Variants in ASIC2 observed in about 807,000 individuals in gnomAD.
The protein encoded by ASIC2 is acid-sensing ion channel 2.
In ASIC2, 25 loss-of-function variants were observed where a neutral mutation model predicts 57.3. The observed-to-expected ratio is 0.44, with a 90% CI of 0.32 to 0.61. The LOEUF is 0.61. Ranked by LOEUF, ASIC2 falls within the 20% of genes least tolerant of loss-of-function variation. ASIC2 has a pLI of 0.06. For synonymous variants in ASIC2, 319 were observed against 307.5 expected (o/e 1.04, Z -0.39); for missense variants, 641 against 738.1 (o/e 0.87, Z 1.52).
intron 1 of ASIC2, among the ~76,000 whole-genome samples, chr17:33,622,746 G>C (rs1905840640): frequency 6.6e-6 from 1 of 152,218 alleles, no homozygotes; most frequent in Non-Finnish European, 1.5e-5. Flanking sequence ...AATAGCGTAT[G>C]TTCAATAAAA....
At chr17:33,249,472 G>C (rs1186652649) in intron 1 of ASIC2, among the ~76,000 whole-genome samples, 1 of 152,194 alleles carries the variant, frequency 6.6e-6, no homozygotes, top group African/African-American at 2.4e-5. Context: ...ACTGAGGACT[G>C]AGTCCTGAGG....
At chr17:33,405,937 C>T (rs571614529) in intron 1 of ASIC2, among the ~76,000 whole-genome samples, 3 of 152,138 alleles carry the variant, frequency 2.0e-5, no homozygotes, top group South Asian at 2.1e-4. Flanking sequence ...CCTGCCAGCC[C>T]GAGCCTGCGA....
intron 1 of ASIC2, among the ~76,000 whole-genome samples, chr17:33,442,950 A>G (rs900432546): frequency 5.9e-5 from 9 of 152,192 alleles, no homozygotes; most frequent in Admixed American, 4.6e-4. Flanking sequence ...AAAGTTCCCT[A>G]CTATTCTTAG....
chr17:33,816,630 G>A (rs903082220), intron 1 of ASIC2: 2 of 152,106 alleles, frequency 1.3e-5, no homozygotes, highest in African/African-American at 4.8e-5. Flanking sequence ...AAAGTCTGAG[G>A]GTGGTATTTC....
chr17:33,397,365 TTGTC>T (rs1258210315), intron 1 of ASIC2, among the ~76,000 whole-genome samples: 2 of 152,206 alleles, frequency 1.3e-5, no homozygotes, highest in Admixed American at 6.5e-5. Context: ...GTCCATTTCT[TTGTC>T]TGTCTTAGGA....
In ASIC2 at chr17:33,841,925, C is replaced by T. The variant is rs536290461; in HGVS notation, c.555+314053G>A. Among the ~76,000 whole-genome samples the T allele has an allele frequency of 1.1e-4, 16 of 152,194 alleles. No individual in the cohort carries two copies. In the East Asian group the frequency reaches 1.2e-3, roughly 11 times the overall value. ...GTGGTGGTGAGCTGGACAGAAGAGC[C>T]GCCTTATATACGGAGAATGTCCAGT... On this transcript the variant is annotated intron_variant, in intron 1 of 9. Transcript: ENST00000359872.
intron 1 of ASIC2, among the ~76,000 whole-genome samples, chr17:33,943,226 T>C (rs1438149961): frequency 6.6e-6 from 1 of 152,226 alleles, no homozygotes; most frequent in African/African-American, 2.4e-5. Flanking sequence ...TCTTTGCCCC[T>C]GCAAGGGGGA....
At chr17:33,988,990 C>A (rs1447049050) in intron 1 of ASIC2, among the ~76,000 whole-genome samples, 1 of 152,146 alleles carries the variant, frequency 6.6e-6, no homozygotes, top group East Asian at 1.9e-4. Context: ...CCTCCTCCCA[C>A]CTTCCACAAC....
At chr17:33,487,331 G>A (rs1026429488) in intron 1 of ASIC2, among the ~76,000 whole-genome samples, 1 of 152,146 alleles carries the variant, frequency 6.6e-6, no homozygotes, top group Non-Finnish European at 1.5e-5. Context: ...GCCAGGAGGG[G>A]CCCCACATTG....
intron 1 of ASIC2, chr17:33,291,120 C>G (rs1905416799): frequency 4.1e-6 from 2 of 486,298 alleles, no homozygotes; most frequent in East Asian, 7.0e-5. Flanking sequence ...TATTCACAGA[C>G]GGGACCATAA....
At chr17:33,480,319 A>G (rs1184397774) in intron 1 of ASIC2, among the ~76,000 whole-genome samples, 1 of 152,174 alleles carries the variant, frequency 6.6e-6, no homozygotes, top group African/African-American at 2.4e-5. Flanking sequence ...CAATAGTAAC[A>G]TGAGGAACAG....
chr17:33,036,681 T>A (rs2091909937), intron 3 of ASIC2, among the ~76,000 whole-genome samples: 1 of 152,170 alleles, frequency 6.6e-6, no homozygotes, highest in Non-Finnish European at 1.5e-5. Flanking sequence ...GCACTAGGGT[T>A]ACAGGTGTGA....
At chr17:33,707,902 T>A (rs1224036632) in intron 1 of ASIC2, among the ~76,000 whole-genome samples, 1 of 152,194 alleles carries the variant, frequency 6.6e-6, no homozygotes, top group Non-Finnish European at 1.5e-5. Context: ...CTCTGTTGGG[T>A]CAGCTTGACT....
chr17:34,088,303 C>G (rs1404537899), intron 1 of ASIC2, among the ~76,000 whole-genome samples: 1 of 152,220 alleles, frequency 6.6e-6, no homozygotes, highest in Non-Finnish European at 1.5e-5. Context: ...TGCTAGAGGT[C>G]CACTCCAGAC....
intron 1 of ASIC2, among the ~76,000 whole-genome samples, chr17:33,850,551 A>T (rs1913736562): frequency 6.6e-6 from 1 of 152,180 alleles, no homozygotes; most frequent in South Asian, 2.1e-4. Flanking sequence ...GAGAACATGA[A>T]AACAGTTGAT....
chr17:33,353,107 T>A (rs192517313), intron 1 of ASIC2, among the ~76,000 whole-genome samples: 5 of 152,302 alleles, frequency 3.3e-5, no homozygotes, highest in Middle Eastern at 3.4e-3. Context: ...GTTCAATAAT[T>A]GTATTGTGAT....
chr17:33,946,632 C>A (rs545318373), intron 1 of ASIC2, among the ~76,000 whole-genome samples: 1 of 152,314 alleles, frequency 6.6e-6, no homozygotes, highest in African/African-American at 2.4e-5. Flanking sequence ...GTGGGGCTCA[C>A]TGCAGCTGGC....
chr17:33,590,339 T>C (rs1904784966), intron 1 of ASIC2, among the ~76,000 whole-genome samples: 1 of 152,178 alleles, frequency 6.6e-6, no homozygotes, highest in African/African-American at 2.4e-5. Flanking sequence ...CTATTGTCAT[T>C]GTTGTCCTCT....
intron 1 of ASIC2, among the ~76,000 whole-genome samples, chr17:33,350,775 G>C (rs955504596): frequency 4.0e-5 from 6 of 151,408 alleles, no homozygotes; most frequent in African/African-American, 1.5e-4. Flanking sequence ...CCTTCTATGA[G>C]TCACAGAAAA....
Sources: allele counts gnomAD v4.1 joint callset (sites outside exome capture counted in the v4.1 genomes callset), GRCh38; gene constraint gnomAD v4.1.1; transcripts MANE v1.5; gene names NCBI Gene and HGNC (gene_info 2026-07-23, HGNC 2026-07-21).